Variants in RIMS2 observed in about 807,000 individuals in gnomAD.
RIMS2 encodes regulating synaptic membrane exocytosis 2.
Under a neutral mutation model 174.4 loss-of-function variants are expected in RIMS2, and 59 were observed. The ratio of observed to expected loss-of-function variants is 0.34; its 90% CI spans 0.27 to 0.42. The LOEUF is 0.42. Ranked by LOEUF, RIMS2 falls within the 10% of genes least tolerant of loss-of-function variation. RIMS2 has a pLI of 1.00. For synonymous variants in RIMS2, 606 were observed against 572.5 expected, an observed-to-expected ratio of 1.06 and a Z score of -0.84; for missense variants, 1,620 against 1,666.3, an observed-to-expected ratio of 0.97 and a Z score of 0.48.
At chr8:104,229,280 A>G (rs1436923177) in intron 19 of RIMS2, among the ~76,000 whole-genome samples, 1 of 152,156 alleles carries the variant, frequency 6.6e-6, no homozygotes, top group Non-Finnish European at 1.5e-5. Context: ...CTATTTATGG[A>G]TCAGACAAGA....
chr8:103,707,533 C>T (rs1041670763), intron 2 of RIMS2, among the ~76,000 whole-genome samples: 2 of 152,160 alleles, frequency 1.3e-5, no homozygotes, highest in African/African-American at 4.8e-5. Context: ...CGCGATCCAG[C>T]CCTGGTGGAC....
intron 3 of RIMS2, among the ~76,000 whole-genome samples, chr8:103,809,499 CT>C (rs1442823125): frequency 1.3e-5 from 2 of 151,954 alleles, no homozygotes; most frequent in African/African-American, 2.4e-5. Context: ...CCTCCCTCCA[CT>C]CCTTTTTCTT....
chr8:104,048,072 A>G (rs1347016273), intron 19 of RIMS2, among the ~76,000 whole-genome samples: 3 of 152,178 alleles, frequency 2.0e-5, no homozygotes, highest in African/African-American at 7.2e-5. Context: ...AAAAGCAATT[A>G]AATAAATTTA....
intron 1 of RIMS2, among the ~76,000 whole-genome samples, chr8:103,540,080 G>A (rs573012630): frequency 2.0e-5 from 3 of 152,232 alleles, no homozygotes; most frequent in East Asian, 1.9e-4. Flanking sequence ...ATGGCAGTGG[G>A]GTTGCCTGTG....
chr8:103,543,248 C>T (rs1296325812), intron 1 of RIMS2, among the ~76,000 whole-genome samples: 1 of 151,858 alleles, frequency 6.6e-6, no homozygotes, highest in Non-Finnish European at 1.5e-5. Context: ...AGAAAGAAAT[C>T]AAGAAAATAT....
chr8:103,646,074 G>A (rs939029887), intron 1 of RIMS2, among the ~76,000 whole-genome samples: 69 of 152,166 alleles, frequency 4.5e-4, no homozygotes, highest in Admixed American at 4.5e-3. Context: ...TGCTCAGCAG[G>A]GGAGCTTTTG....
At chr8:104,157,914 GTTA>G (rs1016443851) in intron 19 of RIMS2, among the ~76,000 whole-genome samples, 31 of 151,730 alleles carry the variant, frequency 2.0e-4, no homozygotes, top group African/African-American at 7.0e-4. Flanking sequence ...TCTAATTATT[GTTA>G]TTATTATTAT....
intron 19 of RIMS2, among the ~76,000 whole-genome samples, chr8:104,071,728 GC>G (rs980929255): frequency 6.6e-6 from 1 of 152,020 alleles, no homozygotes; most frequent in South Asian, 2.1e-4. Flanking sequence ...GAGCCACCAC[GC>G]CCGGCCGGGT....
At chr8:104,036,612 C>T (rs1209629578) in intron 19 of RIMS2, among the ~76,000 whole-genome samples, 1 of 152,028 alleles carries the variant, frequency 6.6e-6, no homozygotes. Flanking sequence ...GGCACAAGAG[C>T]TCATACCTGT....
chr8:103,627,279 G>A (rs771859217), intron 1 of RIMS2, among the ~76,000 whole-genome samples: 11 of 152,116 alleles, frequency 7.2e-5, no homozygotes, highest in African/African-American at 1.4e-4. Context: ...GCCCGACCCC[G>A]CAGGCAGTCA....
intron 2 of RIMS2, among the ~76,000 whole-genome samples, chr8:103,752,499 T>C (rs1591648528): frequency 6.6e-6 from 1 of 152,180 alleles, no homozygotes; most frequent in Non-Finnish European, 1.5e-5. Flanking sequence ...AAGTCATTGG[T>C]AGCTTGATGG....
intron 19 of RIMS2, among the ~76,000 whole-genome samples, chr8:104,239,443 T>C (rs2139745977): frequency 6.6e-6 from 1 of 152,244 alleles, no homozygotes; most frequent in South Asian, 2.1e-4. Context: ...AATACCAAAA[T>C]TAGTGATTTA....
intron 19 of RIMS2, among the ~76,000 whole-genome samples, chr8:104,167,082 C>T (rs77663151): frequency 9.2e-5 from 14 of 152,274 alleles, no homozygotes; most frequent in African/African-American, 3.4e-4. Flanking sequence ...GATATAAACA[C>T]CTGTGCATGT....
chr8:104,058,995 G>A (rs2096926390), intron 19 of RIMS2, among the ~76,000 whole-genome samples: 1 of 151,818 alleles, frequency 6.6e-6, no homozygotes, highest in African/African-American at 2.4e-5. Context: ...TTTGAAGTCA[G>A]GTAACGTGAT....
At chr8:104,158,675 T>C (rs560072834) in intron 19 of RIMS2, among the ~76,000 whole-genome samples, 1 of 152,358 alleles carries the variant, frequency 6.6e-6, no homozygotes, top group Admixed American at 6.5e-5. Flanking sequence ...TTCATGTGTC[T>C]GTTGGCTGCA....
At chr8:103,595,917 G>T (rs973362777) in intron 1 of RIMS2, among the ~76,000 whole-genome samples, 1 of 151,614 alleles carries the variant, frequency 6.6e-6, no homozygotes, top group African/African-American at 2.4e-5. Flanking sequence ...CTTGTTTTTG[G>T]TAACTAATTA....
chr8:103,745,422 C>A (rs2139494735), intron 2 of RIMS2, among the ~76,000 whole-genome samples: 1 of 152,114 alleles, frequency 6.6e-6, no homozygotes, highest in South Asian at 2.1e-4. Context: ...AATAATGCTG[C>A]TGTGCACATT....
intron 19 of RIMS2, among the ~76,000 whole-genome samples, chr8:104,187,738 C>A (rs936365658): frequency 1.3e-5 from 2 of 151,588 alleles, no homozygotes; most frequent in Non-Finnish European, 3.0e-5. Context: ...ATTTTAGATA[C>A]ATTGTTTACT....
chr8:103,634,903 CTATGAGTGTCAT>C (rs2096036420), intron 1 of RIMS2, among the ~76,000 whole-genome samples: 1 of 152,024 alleles, frequency 6.6e-6, no homozygotes, highest in Non-Finnish European at 1.5e-5. Context: ...TATTCTGAGC[CTATGAGTGTCAT>C]TATGTGTGAG....
Sources: gnomAD v4.1 joint callset for allele counts (sites outside exome capture counted in the v4.1 genomes callset) on GRCh38, gnomAD v4.1.1 for gene constraint, MANE v1.5 for transcripts, NCBI Gene and HGNC (gene_info 2026-07-23, HGNC 2026-07-21) for gene names.